The following IGF2BP3 variants were observed in gnomAD, a reference collection of about 807,000 sequenced individuals.
IGF2BP3 encodes insulin like growth factor 2 mRNA binding protein 3.
IGF2BP3 carries 9 observed loss-of-function variants against 73.8 expected under a neutral mutation model. The ratio of observed to expected loss-of-function variants is 0.12; its 90% CI spans 0.07 to 0.21. IGF2BP3 has a LOEUF of 0.21. Among genes scored for constraint, IGF2BP3 ranks in the 10% least tolerant of loss-of-function variants. The pLI, the probability that IGF2BP3 is intolerant of heterozygous loss-of-function variation, is 1.00. For synonymous variants in IGF2BP3, 258 were observed against 256.7 expected (o/e 1.01, Z -0.05); for missense variants, 542 against 714.0 (o/e 0.76, Z 2.75).
At chr7:23,387,827 G>T (rs1285696405) in intron 3 of IGF2BP3, among the ~76,000 whole-genome samples, 1 of 152,184 alleles carries the variant, frequency 6.6e-6, no homozygotes, top group South Asian at 2.1e-4. Context: ...CTATGGCAAG[G>T]ATGCAGAGCA....
At position 23,440,978 on chromosome 7, in the gene IGF2BP3, T is replaced by G. The variant is rs561075655; in HGVS notation, c.237-22154A>C. ...GTTATTTACCCCTATGTTTACAACT[T>G]TAGGTATCCTGGGACTTGGGAAGGC... is the stretch of plus-strand genomic sequence containing the variant. On this transcript the variant is annotated intron_variant, in intron 2 of 14. Coordinates refer to ENST00000258729, the MANE Select transcript of IGF2BP3 (RefSeq NM_006547.3). Among the ~76,000 whole-genome samples, 8 of 152,284 alleles carry G rather than the reference T, an allele frequency of 5.3e-5. No individual in the cohort carries two copies. The East Asian group carries it at 7.7e-4, about 15-fold the overall frequency.
intron 3 of IGF2BP3, among the ~76,000 whole-genome samples, chr7:23,378,357 TC>T (rs1358444592): frequency 1.7e-5 from 2 of 120,440 alleles, no homozygotes; most frequent in African/African-American, 8.3e-5. Context: ...TAGATAGTTT[TC>T]AAAAAAAAAA....
At chr7:23,424,572 T>C (rs1001039878) in intron 2 of IGF2BP3, among the ~76,000 whole-genome samples, 1 of 152,118 alleles carries the variant, frequency 6.6e-6, no homozygotes, top group Non-Finnish European at 1.5e-5. Context: ...TCAATCATTA[T>C]TTATTAAAAG....
chr7:23,422,398 G>T (rs1407859527), intron 2 of IGF2BP3, among the ~76,000 whole-genome samples: 2 of 152,082 alleles, frequency 1.3e-5, no homozygotes, highest in African/African-American at 4.8e-5. Flanking sequence ...TTAAGGCCAG[G>T]AGTAAAATTA....
At chr7:23,377,282 A>G (rs1785755052) in intron 3 of IGF2BP3, among the ~76,000 whole-genome samples, 1 of 152,194 alleles carries the variant, frequency 6.6e-6, no homozygotes, top group Non-Finnish European at 1.5e-5. Context: ...ACTCAACACT[A>G]AAAGGCCAAA....
chr7:23,394,918 T>G (rs1459287185), intron 3 of IGF2BP3, among the ~76,000 whole-genome samples: 2 of 152,210 alleles, frequency 1.3e-5, no homozygotes, highest in African/African-American at 2.4e-5. Context: ...CAACTTCAAG[T>G]AGTGGTAAAC....
chr7:23,372,191 C>G (rs1230636738), intron 3 of IGF2BP3, among the ~76,000 whole-genome samples: 1 of 152,070 alleles, frequency 6.6e-6, no homozygotes, highest in Non-Finnish European at 1.5e-5. Context: ...TCTTCTGCCT[C>G]AGCCTCCCAA....
At chr7:23,463,705 C>A (rs1439301077) in intron 2 of IGF2BP3, among the ~76,000 whole-genome samples, 1 of 152,212 alleles carries the variant, frequency 6.6e-6, no homozygotes, top group Non-Finnish European at 1.5e-5. Flanking sequence ...TCCGTAACAT[C>A]TTCCTCAGAG....
intron 5 of IGF2BP3, among the ~76,000 whole-genome samples, chr7:23,355,102 G>C (rs925520033): frequency 1.3e-5 from 2 of 152,160 alleles, no homozygotes; most frequent in Non-Finnish European, 2.9e-5. Context: ...CACCGTAGAT[G>C]CAAGACATGA....
intron 5 of IGF2BP3, among the ~76,000 whole-genome samples, chr7:23,360,558 T>C (rs545479309): frequency 3.9e-5 from 6 of 152,368 alleles, no homozygotes; most frequent in African/African-American, 1.2e-4. Flanking sequence ...GTGAGTGTTA[T>C]TGATTTTACA....
chr7:23,383,745 C>T (rs530899693), intron 3 of IGF2BP3, among the ~76,000 whole-genome samples: 31 of 152,194 alleles, frequency 2.0e-4, no homozygotes, highest in South Asian at 1.7e-3. Context: ...CATGGACTGA[C>T]GAACGGATAA....
chr7:23,355,231 T>A (rs12532381), intron 5 of IGF2BP3, among the ~76,000 whole-genome samples: 2,930 of 150,856 alleles, frequency 0.019, 75 homozygotes, highest in African/African-American at 0.045. Context: ...TTTTATTTTT[T>A]TTTTTTTTGA....
intron 2 of IGF2BP3, among the ~76,000 whole-genome samples, chr7:23,445,993 A>C (rs1446750408): frequency 6.6e-6 from 1 of 152,232 alleles, no homozygotes; most frequent in East Asian, 1.9e-4. Flanking sequence ...AAAAGAAAAA[A>C]TAAAATGAAG....
At chr7:23,360,939 T>TAA (rs1554319307) in intron 5 of IGF2BP3, among the ~76,000 whole-genome samples, 5 of 152,204 alleles carry the variant, frequency 3.3e-5, no homozygotes, top group Non-Finnish European at 7.3e-5. Flanking sequence ...TAGTGCTCAG[T>TAA]TTATTAGATC....
intron 2 of IGF2BP3, among the ~76,000 whole-genome samples, chr7:23,445,171 G>A (rs371784318): frequency 1.3e-5 from 2 of 152,260 alleles, no homozygotes; most frequent in East Asian, 1.9e-4. Flanking sequence ...TTCCCTAAAG[G>A]AACACAATAA....
At chr7:23,425,008 A>C (rs1374668719) in intron 2 of IGF2BP3, among the ~76,000 whole-genome samples, 2 of 152,240 alleles carry the variant, frequency 1.3e-5, no homozygotes, top group African/African-American at 4.8e-5. Context: ...CTACTCCAGT[A>C]AACAACAATG....
intron 2 of IGF2BP3, among the ~76,000 whole-genome samples, chr7:23,460,197 CAAAA>C (rs61675193): frequency 8.8e-6 from 1 of 113,326 alleles, no homozygotes; most frequent in African/African-American, 3.4e-5. Context: ...AAAAAAAAAA[CAAAA>C]ACGAAAGTGA....
intron 10 of IGF2BP3, among the ~76,000 whole-genome samples, chr7:23,324,122 G>A (rs1292850067): frequency 5.9e-5 from 9 of 152,206 alleles, no homozygotes; most frequent in Admixed American, 3.9e-4. Flanking sequence ...AAAAATTAAC[G>A]AATCCAGGAG....
In IGF2BP3 at chr7:23,453,707, A is replaced by G. The variant is rs1056446147; in HGVS notation, c.236+14775T>C. ...CTTTGCCAATTTACTCTTTAGCTAT[A>G]TGAGTGGCCATGCCTCCACAACCTT... is the stretch of plus-strand genomic sequence containing the variant. On this transcript the variant is annotated intron_variant, in intron 2 of 14. Transcript: ENST00000258729. 1.1e-4 allele frequency among the ~76,000 whole-genome samples: 17 copies of G among 151,992 alleles called. No individual in the cohort carries two copies. In the South Asian group the frequency reaches 2.9e-3, roughly 26 times the overall value.
Sources: allele counts gnomAD v4.1 joint callset (sites outside exome capture counted in the v4.1 genomes callset), GRCh38; gene constraint gnomAD v4.1.1; transcripts MANE v1.5; gene names NCBI Gene and HGNC (gene_info 2026-07-23, HGNC 2026-07-21).